Variants in COL25A1 observed in about 807,000 individuals in gnomAD.
COL25A1 encodes the protein collagen type XXV alpha 1 chain.
In COL25A1, 103 loss-of-function variants were observed where a neutral mutation model predicts 128.4. The ratio of observed to expected loss-of-function variants is 0.80; its 90% CI spans 0.68 to 0.94. The LOEUF is 0.94. Ranked by LOEUF, COL25A1 falls within the 40% of genes least tolerant of loss-of-function variation. The pLI, the probability that COL25A1 is intolerant of heterozygous loss-of-function variation, is 0.00. For synonymous variants in COL25A1, 279 were observed against 277.2 expected (o/e 1.01, Z -0.06); for missense variants, 745 against 840.0 (o/e 0.89, Z 1.40).
At chr4:109,204,189 A>G (rs1195580460) in intron 3 of COL25A1, among the ~76,000 whole-genome samples, 2 of 152,174 alleles carry the variant, frequency 1.3e-5, no homozygotes, top group Non-Finnish European at 2.9e-5. Context: ...CTCTTTTATC[A>G]TAATCATCAT....
rs201708547 is a variant in COL25A1 at position 109,288,958 on chromosome 4, TATATACACAC to T, written c.367+11615_367+11624del. Among the ~76,000 whole-genome samples the T allele has an allele frequency of 3.2e-3, 220 of 69,678 alleles. No individual in the cohort carries two copies. In the East Asian group the frequency reaches 0.073, roughly 23 times the overall value. 45.7% of individuals were successfully genotyped at this position (69,678 alleles called of 152,430 possible). On this transcript the variant is annotated intron_variant, in intron 3 of 37. Transcript: ENST00000399132. ...CATTACTACCAGGAATACTAAATTA[TATATACACAC>T]ACACACACACACACACACACACACA...
At chr4:109,188,746 A>C (rs1775348634) in intron 3 of COL25A1, among the ~76,000 whole-genome samples, 1 of 152,224 alleles carries the variant, frequency 6.6e-6, no homozygotes, top group South Asian at 2.1e-4. Flanking sequence ...GAGACCGTCA[A>C]TCAGAAGAAT....
chr4:108,861,734 C>A (rs1449467257), intron 22 of COL25A1, among the ~76,000 whole-genome samples: 1 of 152,122 alleles, frequency 6.6e-6, no homozygotes, highest in Non-Finnish European at 1.5e-5. Flanking sequence ...AGATTCGAAC[C>A]TGTGTAGATT....
At chr4:109,270,477 CAA>C (rs1193432514) in intron 3 of COL25A1, among the ~76,000 whole-genome samples, 2 of 152,146 alleles carry the variant, frequency 1.3e-5, no homozygotes, top group African/African-American at 4.8e-5. Flanking sequence ...ACAACTGCTT[CAA>C]AGAGAATAAA....
chr4:108,928,203 C>T (rs1310154206), intron 11 of COL25A1, among the ~76,000 whole-genome samples: 2 of 152,168 alleles, frequency 1.3e-5, no homozygotes, highest in African/African-American at 4.8e-5. Context: ...TTCCATTGAG[C>T]AGTGTAAGTG....
intron 35 of COL25A1, among the ~76,000 whole-genome samples, chr4:108,822,129 T>C (rs1366969037): frequency 2.1e-5 from 3 of 144,814 alleles, no homozygotes; most frequent in Non-Finnish European, 4.5e-5. Context: ...CTGCAACCTC[T>C]GCCTCCTGGG....
At chr4:109,153,520 A>G (rs1476290995) in intron 3 of COL25A1, among the ~76,000 whole-genome samples, 1 of 152,212 alleles carries the variant, frequency 6.6e-6, no homozygotes, top group East Asian at 1.9e-4. Flanking sequence ...ATTCCTTTTC[A>G]TGATAATGCT....
At chr4:108,916,728 C>T (rs188410465) in intron 13 of COL25A1, among the ~76,000 whole-genome samples, 4 of 152,226 alleles carry the variant, frequency 2.6e-5, no homozygotes, top group Admixed American at 2.0e-4. Context: ...CCATGATCTG[C>T]AATATTCTAA....
At chr4:109,239,394 G>GTGTGTATATA (rs1491198097) in intron 3 of COL25A1, among the ~76,000 whole-genome samples, 14 of 116,508 alleles carry the variant, frequency 1.2e-4, no homozygotes, top group African/African-American at 4.9e-4. Flanking sequence ...GTGTGTGTGT[G>GTGTGTATATA]TATATATATA....
chr4:109,244,382 C>T (rs1780118588), intron 3 of COL25A1, among the ~76,000 whole-genome samples: 1 of 151,990 alleles, frequency 6.6e-6, no homozygotes, highest in Non-Finnish European at 1.5e-5. Flanking sequence ...ACTTTGTAGG[C>T]CTTCCTATGA....
intron 6 of COL25A1, among the ~76,000 whole-genome samples, chr4:109,007,232 G>A (rs1056348443): frequency 2.6e-5 from 4 of 152,112 alleles, no homozygotes; most frequent in Non-Finnish European, 5.9e-5. Flanking sequence ...AAAATATACA[G>A]ATGGATAGGA....
intron 3 of COL25A1, among the ~76,000 whole-genome samples, chr4:109,212,297 C>T (rs1329471476): frequency 6.6e-6 from 1 of 152,092 alleles, no homozygotes; most frequent in East Asian, 1.9e-4. Flanking sequence ...TCTAAGATGG[C>T]TTATGCACCT....
At chr4:109,211,290 C>CTATATATATA (rs753994624) in intron 3 of COL25A1, among the ~76,000 whole-genome samples, 32 of 102,514 alleles carry the variant, frequency 3.1e-4, no homozygotes, top group Admixed American at 7.3e-4. Flanking sequence ...ATATATGAAA[C>CTATATATATA]TATATATATA....
chr4:109,123,914 G>A (rs956637374), intron 3 of COL25A1, among the ~76,000 whole-genome samples: 1 of 151,834 alleles, frequency 6.6e-6, no homozygotes, highest in African/African-American at 2.4e-5. Context: ...AACAAACAAG[G>A]TAAGTTTATA....
At chr4:109,126,151 C>T (rs1768579263) in intron 3 of COL25A1, among the ~76,000 whole-genome samples, 1 of 151,660 alleles carries the variant, frequency 6.6e-6, no homozygotes, top group Admixed American at 6.6e-5. Context: ...TTTTAAATCC[C>T]CAATGTTTTT....
chr4:108,808,874 G>A lies in COL25A1; in HGVS notation c.*5053C>T, dbSNP rs1730582256. 6.6e-6 allele frequency: 1 copy of A among 151,970 alleles called. No homozygotes were observed. Among genetic ancestry groups the A allele is most frequent in the Non-Finnish European group, 1.5e-5 (1 of 68,002 alleles). 9.4% of individuals were successfully genotyped at this position (151,970 alleles called of 1,614,324 possible). A position where few individuals can be genotyped will look rare whatever the true frequency, so the allele number is the denominator to read the frequency against. On this transcript the variant is annotated 3_prime_UTR_variant, in exon 38 of 38. Transcript: ENST00000399132. Reference sequence around the variant, plus strand: ...TGAAGATCAACTTCTCACAAACTAGGAACCCTGAAAACAAATTTAAAAAGC... The same window carrying A: ...TGAAGATCAACTTCTCACAAACTAGAAACCCTGAAAACAAATTTAAAAAGC...
At chr4:109,290,404 G>A (rs1427485645) in intron 3 of COL25A1, among the ~76,000 whole-genome samples, 1 of 151,994 alleles carries the variant, frequency 6.6e-6, no homozygotes, top group Non-Finnish European at 1.5e-5. Flanking sequence ...AAATAATTTT[G>A]TACAGAGGAA....
intron 3 of COL25A1, among the ~76,000 whole-genome samples, chr4:109,262,152 T>A (rs1344486582): frequency 6.6e-6 from 1 of 152,180 alleles, no homozygotes; most frequent in Non-Finnish European, 1.5e-5. Flanking sequence ...TTGAGAGCAT[T>A]TCTGCATCCT....
chr4:109,151,528 T>C (rs1223361667), intron 3 of COL25A1, among the ~76,000 whole-genome samples: 1 of 152,158 alleles, frequency 6.6e-6, no homozygotes, highest in Non-Finnish European at 1.5e-5. Context: ...TAAAAAAAAT[T>C]CTTGATTTTC....
Sources: allele counts gnomAD v4.1 joint callset (sites outside exome capture counted in the v4.1 genomes callset), GRCh38; gene constraint gnomAD v4.1.1; transcripts MANE v1.5; gene names NCBI Gene and HGNC (gene_info 2026-07-23, HGNC 2026-07-21).